Variants in AGT observed in about 807,000 individuals in gnomAD.
AGT encodes the protein angiotensinogen.
AGT carries 26 observed loss-of-function variants against 28.1 expected under a neutral mutation model. That is an observed-to-expected ratio of 0.92 (90% CI 0.68 to 1.28). The LOEUF is 1.28. Ranked by LOEUF, AGT falls within the 50% of genes most tolerant of loss-of-function variation. AGT has a pLI of 0.00. For missense variants in AGT, 596 were observed against 592.3 expected (o/e 1.01, Z -0.06); for synonymous variants, 259 against 259.6 (o/e 1.00, Z 0.02).
intron 1 of AGT, among the ~76,000 whole-genome samples, chr1:230,712,165 G>C (rs1163820407): frequency 6.6e-6 from 1 of 152,160 alleles, no homozygotes; most frequent in Non-Finnish European, 1.5e-5. Flanking sequence ...CCCAGGGCTA[G>C]GCCAGGCTTC....
Position 230,704,354 on chromosome 1 carries a change from C to T in AGT, c.1098-17G>A, listed in dbSNP as rs1663324359. 1.2e-6 allele frequency: 2 copies of T among 1,613,628 alleles called. No individual in the cohort carries two copies. Among genetic ancestry groups the T allele is most frequent in the African/African-American group, 2.7e-5 (2 of 74,924 alleles). On this transcript the variant is annotated splice_polypyrimidine_tract_variant and intron_variant, in intron 3 of 4. Coordinates refer to ENST00000366667, the MANE Select transcript of AGT (RefSeq NM_001384479.1). Reference sequence around the variant, plus strand: ...TGGATGGTCCTGGGGAGATGATGCACAGTTAGGAAGGCTCCAGGCCACACA... The same window carrying T: ...TGGATGGTCCTGGGGAGATGATGCATAGTTAGGAAGGCTCCAGGCCACACA...
chr1:230,737,132 T>C (rs1164963941), intron 1 of AGT, among the ~76,000 whole-genome samples: 2 of 152,146 alleles, frequency 1.3e-5, no homozygotes, highest in Non-Finnish European at 2.9e-5. Context: ...CCATGCCTGG[T>C]TCTTAGCTTC....
chr1:230,741,059 T>A (rs1664240455), intron 1 of AGT, among the ~76,000 whole-genome samples: 1 of 152,112 alleles, frequency 6.6e-6, no homozygotes, highest in Non-Finnish European at 1.5e-5. Context: ...AGCTCCTAGA[T>A]GAGAAGGAGA....
At position 230,703,201 on chromosome 1, in the gene AGT, A is replaced by C; in HGVS notation, c.1371T>G (p.Asp457Glu). 1 of 1,614,120 alleles carries C rather than the reference A, an allele frequency of 6.2e-7. No homozygotes were observed. The highest frequency in any genetic ancestry group is 8.5e-7 in the Non-Finnish European group (1 of 1,180,036). The change falls in exon 5 of 5, where the codon GAT becomes GAG. Residue 457 changes from aspartate (D) to glutamate (E), a missense_variant. Asp to Glu is a conservative substitution (Grantham distance 45). Transcript: ENST00000366667. ...GGAAGTGCAGGGCAGTGGCGCTTTG[A>C]TCATACACAGCAAACAGGAATGGGC... ...LNRPFLFAVY[D>E]QSATALHFLG...
chr1:230,739,597 G>A (rs560162996), intron 1 of AGT, among the ~76,000 whole-genome samples: 8 of 152,168 alleles, frequency 5.3e-5, no homozygotes, highest in South Asian at 2.1e-4. Context: ...CTGAGCTTCC[G>A]GGGTAATTAC....
chr1:230,741,842 A>C (rs1250635267), intron 1 of AGT, among the ~76,000 whole-genome samples: 1 of 152,190 alleles, frequency 6.6e-6, no homozygotes, highest in African/African-American at 2.4e-5. Flanking sequence ...GGCAGAGCCC[A>C]CCTAGGCCAA....
intron 1 of AGT, among the ~76,000 whole-genome samples, chr1:230,723,371 CACA>C (rs1474566016): frequency 6.6e-6 from 1 of 152,196 alleles, no homozygotes; most frequent in Non-Finnish European, 1.5e-5. Context: ...TCTTAAATAG[CACA>C]ACCTTTATTC....
In AGT at chr1:230,725,652, C is replaced by T. The variant is rs148694035; in HGVS notation, c.-30-14799G>A. ...TGTGGGACTGAAATGCTATCTTTTG[C>T]GAAAACTGAGTTCTAGAAATAATAT... On this transcript the variant is annotated intron_variant, in intron 1 of 4. Transcript: ENST00000681269. Among the ~76,000 whole-genome samples the T allele has an allele frequency of 6.6e-5, 10 of 152,174 alleles. No individual in the cohort carries two copies. The East Asian group carries it at 7.7e-4, about 12-fold the overall frequency.
Position 230,703,093 on chromosome 1 carries a change from G to A in AGT, c.*48C>T, listed in dbSNP as rs1349140414. 1.2e-6 allele frequency: 2 copies of A among 1,600,978 alleles called. No individual in the cohort carries two copies. Among genetic ancestry groups the A allele is most frequent in the African/African-American group, 1.3e-5 (1 of 74,724 alleles). ...ATCTGCTGCTGGCCTTTGCCTCAAA[G>A]GCCAGGGGCAGAGGCCTTGCCAGGC... On this transcript the variant is annotated 3_prime_UTR_variant, in exon 5 of 5. Transcript: ENST00000366667.
intron 1 of AGT, among the ~76,000 whole-genome samples, chr1:230,711,226 TGAGAA>T (rs2102791844): frequency 6.6e-6 from 1 of 152,046 alleles, no homozygotes; most frequent in South Asian, 2.1e-4. Flanking sequence ...TGTGTCCTTA[TGAGAA>T]GAGGAGATGA....
chr1:230,736,938 G>A (rs1026170204), intron 1 of AGT, among the ~76,000 whole-genome samples: 5 of 152,142 alleles, frequency 3.3e-5, no homozygotes, highest in Admixed American at 1.3e-4. Flanking sequence ...TCTGTGAATC[G>A]AAAGCTCTGT....
chr1:230,739,706 C>T (rs1664213707), intron 1 of AGT, among the ~76,000 whole-genome samples: 1 of 152,190 alleles, frequency 6.6e-6, no homozygotes, highest in Admixed American at 6.5e-5. Flanking sequence ...CCCAGAGACA[C>T]CTCAACCAAG....
rs1369546117 is a variant in AGT at position 230,703,341 on chromosome 1, C to A, written c.1243-12G>T. The stretch of plus-strand genomic sequence containing the variant: ...ATGCTGTTCAGCACCTGCAAAGCAG[C>A]AGACATCAGGATCATTCTGAGGGCG... On this transcript the variant is annotated splice_polypyrimidine_tract_variant and intron_variant, in intron 4 of 4. Transcript: ENST00000366667. The A allele has an allele frequency of 1.1e-5, 18 of 1,614,050 alleles. No homozygotes were observed. Among genetic ancestry groups the A allele is most frequent in the Non-Finnish European group, 1.4e-5 (16 of 1,180,024 alleles).
At chr1:230,706,320 GCC>G (rs148607932) in intron 2 of AGT, 120 bp from the exon 3 acceptor site, 1 of 1,149,468 alleles carries the variant, frequency 8.7e-7, no homozygotes, top group Non-Finnish European at 1.2e-6. Context: ...TCCTTCCTTG[GCC>G]CCCCCCAGGC....
intron 1 of AGT, among the ~76,000 whole-genome samples, chr1:230,722,542 G>C (rs960730724): frequency 3.9e-5 from 6 of 152,234 alleles, no homozygotes; most frequent in African/African-American, 1.4e-4. Context: ...CCAGGAAGGG[G>C]GCTGTGCCCT....
At chr1:230,722,933 G>T (rs904980957) in intron 1 of AGT, among the ~76,000 whole-genome samples, 6 of 152,118 alleles carry the variant, frequency 3.9e-5, no homozygotes, top group Admixed American at 6.6e-5. Context: ...ATGAGATTTG[G>T]GAAGGGCCGG....
rs140418368 is a variant in AGT, at chr1:230,730,326, G to A, written c.-31+15189C>T. On this transcript the variant is annotated intron_variant, in intron 1 of 4. Transcript: ENST00000681269. ...TGATCTCAAGTGATCCGTCCACCTC[G>A]GCTTCCCAAACTGCTGGGATTTCAG... Among the ~76,000 whole-genome samples the A allele has an allele frequency of 7.1e-4, 108 of 151,868 alleles. 1 individual carries two copies. In the East Asian group the frequency reaches 0.014, roughly 20 times the overall value.
intron 1 of AGT, among the ~76,000 whole-genome samples, chr1:230,741,740 A>T (rs1039055192): frequency 6.6e-6 from 1 of 152,188 alleles, no homozygotes; most frequent in Non-Finnish European, 1.5e-5. Context: ...TCTAGTTCTC[A>T]TCTTCTAGGA....
intron 1 of AGT, among the ~76,000 whole-genome samples, chr1:230,744,643 T>C (rs1233267763): frequency 1.3e-5 from 2 of 152,192 alleles, no homozygotes; most frequent in African/African-American, 4.8e-5. Context: ...GATGATGCAA[T>C]TCTCCAATTA....
Sources: allele counts gnomAD v4.1 joint callset (sites outside exome capture counted in the v4.1 genomes callset), GRCh38; gene constraint gnomAD v4.1.1; transcripts MANE v1.5; gene names NCBI Gene and HGNC (gene_info 2026-07-23, HGNC 2026-07-21).